ATRX: variants seen among roughly 807,000 people sequenced by gnomAD.
The protein encoded by ATRX is ATRX chromatin remodeler.
In ATRX, 12 loss-of-function variants were observed where a neutral mutation model predicts 172.6. That is an observed-to-expected ratio of 0.07 (90% confidence interval 0.04 to 0.11). The LOEUF (loss-of-function observed/expected upper bound fraction) is 0.11. Ranked by LOEUF, ATRX falls within the 10% of genes least tolerant of loss-of-function variation. ATRX has a pLI of 1.00. For synonymous variants in ATRX, 674 were observed against 594.7 expected, an observed-to-expected ratio of 1.13 and a Z score of -1.94; for missense variants, 1,368 against 1,767.4, an observed-to-expected ratio of 0.77 and a Z score of 4.05.
intron 32 of ATRX, 117 bp downstream of exon 32, chrX:77,522,146 C>T: frequency 1.0e-6 from 1 of 1,001,081 alleles, no homozygotes. Context: ...ATTTATTCGT[C>T]TATTCAGGGG....
At chrX:77,569,030 C>T (rs2065307699) in intron 28 of ATRX, among the ~76,000 whole-genome samples, 1 of 111,011 alleles carries the variant, frequency 9.0e-6, no homozygotes, top group African/African-American at 3.3e-5. Flanking sequence ...AGGAGGATCC[C>T]TTGAGCCTAG....
At chrX:77,739,440 C>T (rs1385850028) in intron 1 of ATRX, among the ~76,000 whole-genome samples, 1 of 108,245 alleles carries the variant, frequency 9.2e-6, no homozygotes, top group Non-Finnish European at 1.9e-5. Context: ...CACTCATTTG[C>T]AATTATTTAA....
intron 2 of ATRX, among the ~76,000 whole-genome samples, chrX:77,714,721 G>GT (rs1444160769): frequency 1.8e-5 from 2 of 111,552 alleles, no homozygotes; most frequent in East Asian, 5.6e-4. Context: ...ATTTCACAAA[G>GT]TAACACACCT....
chrX:77,572,141 T>C (rs1488810232), intron 28 of ATRX, among the ~76,000 whole-genome samples: 1 of 111,203 alleles, frequency 9.0e-6, no homozygotes, highest in East Asian at 2.8e-4. Context: ...GTGGATTTCA[T>C]GTGTATGGGT....
chrX:77,649,467 A>G (rs1557115658), intron 15 of ATRX, among the ~76,000 whole-genome samples: 1 of 112,366 alleles, frequency 8.9e-6, no homozygotes, highest in Non-Finnish European at 1.9e-5. Flanking sequence ...TTTATCAAAA[A>G]AGCTACTATA....
At chrX:77,574,211 T>C (rs782623626) in intron 28 of ATRX, 39 bp downstream of exon 28, 1 of 867,360 alleles carries the variant, frequency 1.2e-6, no homozygotes. Flanking sequence ...TAAAATTAAT[T>C]ATTTTAATGT....
chrX:77,508,238 C>A lies in ATRX; in HGVS notation c.*113G>T. On this transcript the variant is annotated 3_prime_UTR_variant, in exon 35 of 35. Transcript: ENST00000373344. ...AAGTAAAACTAATATGGAAGATTGG[C>A]ATTTAAGGGGACCAAACTATTTATA... 1 of 914,771 alleles carries A rather than the reference C, an allele frequency of 1.1e-6. No individual in the cohort carries two copies. Among genetic ancestry groups the A allele is most frequent in the South Asian group, 2.3e-5 (1 of 43,190 alleles). 75.4% of individuals were successfully genotyped at this position (914,771 alleles called of 1,213,427 possible).
At chrX:77,737,447 G>GGGC in intron 1 of ATRX, among the ~76,000 whole-genome samples, 1 of 67,835 alleles carries the variant, frequency 1.5e-5, no homozygotes, top group African/African-American at 6.1e-5. Context: ...GGGGGGGGGG[G>GGGC]CCTAGTATTT....
intron 27 of ATRX, among the ~76,000 whole-genome samples, chrX:77,581,531 T>C (rs900617740): frequency 3.6e-5 from 4 of 111,805 alleles, no homozygotes; most frequent in Non-Finnish European, 5.6e-5. Context: ...AAAATATATA[T>C]GCACTCAACC....
At chrX:77,550,748 G>A (rs1978712157) in intron 30 of ATRX, among the ~76,000 whole-genome samples, 2 of 111,731 alleles carry the variant, frequency 1.8e-5, no homozygotes, top group South Asian at 7.5e-4. Context: ...TCCTTAAGCT[G>A]ATAAACAACT....
intron 22 of ATRX, among the ~76,000 whole-genome samples, chrX:77,603,884 G>C (rs1030867878): frequency 7.2e-5 from 8 of 111,562 alleles, no homozygotes; most frequent in Non-Finnish European, 3.8e-5. Context: ...ACTGGGGAAA[G>C]GACACTCTTT....
chrX:77,584,487 C>T (rs1317353707), intron 27 of ATRX, among the ~76,000 whole-genome samples: 1 of 110,952 alleles, frequency 9.0e-6, no homozygotes, highest in Non-Finnish European at 1.9e-5. Context: ...AATAGAGAAC[C>T]CTGAGATAAA....
intron 31 of ATRX, 138 bp downstream of exon 31, chrX:77,523,114 A>G: frequency 1.2e-6 from 1 of 835,635 alleles, no homozygotes. Context: ...ACCCATAAAG[A>G]GATTCTTGTA....
chrX:77,636,099 A>G (rs1557107967), intron 15 of ATRX, 43 bp from the exon 16 acceptor site: 1 of 1,182,469 alleles, frequency 8.5e-7, no homozygotes, highest in Admixed American at 2.2e-5. Flanking sequence ...CAAAGAAATC[A>G]TTCAAGCAAT....
intron 2 of ATRX, among the ~76,000 whole-genome samples, chrX:77,714,684 A>G (rs1409199309): frequency 9.0e-6 from 1 of 111,672 alleles, no homozygotes; most frequent in Non-Finnish European, 1.9e-5. Context: ...GAATCTAACC[A>G]TAACTAAACA....
chrX:77,552,906 A>C (rs1260061648), intron 30 of ATRX, among the ~76,000 whole-genome samples: 1 of 111,640 alleles, frequency 9.0e-6, no homozygotes. Flanking sequence ...ACCAAAAGAC[A>C]AAAAAACCTC....
intron 10 of ATRX, among the ~76,000 whole-genome samples, chrX:77,669,177 C>T (rs1004355922): frequency 8.9e-6 from 1 of 111,904 alleles, no homozygotes; most frequent in Non-Finnish European, 1.9e-5. Flanking sequence ...ACAAAGCTAA[C>T]TAGTGGCAAA....
At position 77,667,633 on chromosome X, in the gene ATRX, C is replaced by T. The variant is rs192098649; in HGVS notation, c.3810-2855G>A. ...TCCCAGTCTCCAAAGAATATGTCTA[C>T]TAAAAAACGGAAAGTCACAATACAT... On this transcript the variant is annotated intron_variant, in intron 10 of 34. Transcript: ENST00000373344. Among the ~76,000 whole-genome samples, 203 of 111,475 alleles carry T rather than the reference C, an allele frequency of 1.8e-3. 2 individuals carry two copies. The highest frequency in any genetic ancestry group is 6.2e-3 in the African/African-American group (191 of 30,718).
intron 6 of ATRX, 22 bp downstream of exon 6, chrX:77,693,802 T>C: frequency 1.7e-6 from 2 of 1,143,501 alleles, no homozygotes. Context: ...TAAATTCATG[T>C]TTCATTTTCA....
Sources: allele counts gnomAD v4.1 joint callset (sites outside exome capture counted in the v4.1 genomes callset), GRCh38; gene constraint gnomAD v4.1.1; transcripts MANE v1.5; gene names NCBI Gene and HGNC (gene_info 2026-07-23, HGNC 2026-07-21).